The following DYNC1I2 variants were observed in gnomAD, a reference collection of about 807,000 sequenced individuals.
DYNC1I2 encodes the protein dynein cytoplasmic 1 intermediate chain 2.
In DYNC1I2, 53 loss-of-function variants were observed where a neutral mutation model predicts 88.6. That is an observed-to-expected ratio of 0.60 (90% CI 0.48 to 0.75). The LOEUF (loss-of-function observed/expected upper bound fraction) is 0.75, where lower values mean the gene tolerates loss of function less well. DYNC1I2 is among the 30% of genes least tolerant of loss of function. DYNC1I2 has a pLI of 0.00. For missense variants in DYNC1I2, 458 were observed against 766.6 expected (o/e 0.60, Z 4.75); for synonymous variants, 198 against 254.6 (o/e 0.78, Z 2.12).
chr2:171,742,142 G>A (rs1250671558), intron 15 of DYNC1I2, among the ~76,000 whole-genome samples: 2 of 150,620 alleles, frequency 1.3e-5, no homozygotes, highest in Non-Finnish European at 3.0e-5. Flanking sequence ...TCTATATGAT[G>A]TAAGGAAGGA....
rs1453529572 is a variant in DYNC1I2 at position 171,747,815 on chromosome 2, G to A, written c.1843G>A (p.Gly615Ser). Residue 615 changes from glycine to serine, a missense_variant, in exon 18 of 18, where the codon GGC becomes AGC. Physicochemically the swap from Gly to Ser is moderately conservative, Grantham distance 56. Coordinates refer to ENST00000397119, the MANE Select transcript of DYNC1I2 (RefSeq NM_001378.3). ...VPRNDEWARF[G>S]RTLAEINANR... Reference sequence around the variant, plus strand: ...CCGCAATGATGAATGGGCACGGTTTGGCCGAACACTTGCAGAAATTAATGC... The same window carrying A: ...CCGCAATGATGAATGGGCACGGTTTAGCCGAACACTTGCAGAAATTAATGC... The A allele has an allele frequency of 2.8e-5, 45 of 1,611,120 alleles. No individual in the cohort carries two copies. Among genetic ancestry groups the A allele is most frequent in the Non-Finnish European group, 3.8e-5 (45 of 1,179,408 alleles).
intron 7 of DYNC1I2, among the ~76,000 whole-genome samples, chr2:171,725,067 G>T (rs1214292577): frequency 6.6e-6 from 1 of 152,128 alleles, no homozygotes; most frequent in African/African-American, 2.4e-5. Context: ...TTCAAAATCT[G>T]CCTCTCAAAT....
intron 15 of DYNC1I2, among the ~76,000 whole-genome samples, chr2:171,740,760 T>C (rs1689366919): frequency 6.6e-6 from 1 of 152,196 alleles, no homozygotes; most frequent in East Asian, 1.9e-4. Flanking sequence ...ACCTTATCTC[T>C]TCTTTTAAAA....
intron 1 of DYNC1I2, among the ~76,000 whole-genome samples, chr2:171,688,979 T>C (rs1349346877): frequency 1.3e-5 from 2 of 151,804 alleles, no homozygotes; most frequent in African/African-American, 4.9e-5. Context: ...TCCTGGCTCC[T>C]GCCTTATGCT....
intron 7 of DYNC1I2, among the ~76,000 whole-genome samples, chr2:171,718,920 AC>A (rs552353332): frequency 6.6e-6 from 1 of 152,308 alleles, no homozygotes; most frequent in South Asian, 2.1e-4. Context: ...ATCGAGCATC[AC>A]AGAGCTAGTA....
chr2:171,702,168 T>C (rs1027360394), intron 3 of DYNC1I2, among the ~76,000 whole-genome samples: 2 of 152,250 alleles, frequency 1.3e-5, no homozygotes, highest in African/African-American at 4.8e-5. Context: ...AAGGGTTGGC[T>C]GTTCCTTCCC....
rs552017034 is a variant in DYNC1I2, at chr2:171,693,260, T to C, written c.226+366T>C. ...TTCCTTTCTGGAGATTAGCGAGAGATACAATCAGACTTATATTGTTAGAAT... is the reference window on the plus strand; with the variant it reads ...TTCCTTTCTGGAGATTAGCGAGAGACACAATCAGACTTATATTGTTAGAAT... On this transcript the variant is annotated intron_variant, in intron 3 of 17. Coordinates refer to ENST00000397119, the MANE Select transcript of DYNC1I2 (RefSeq NM_001378.3). 2.6e-5 allele frequency among the ~76,000 whole-genome samples: 4 copies of C among 152,336 alleles called. No individual in the cohort carries two copies. The East Asian group carries it at 7.7e-4, about 29-fold the overall frequency.
intron 15 of DYNC1I2, among the ~76,000 whole-genome samples, chr2:171,730,307 G>A (rs207462651): frequency 3.3e-5 from 5 of 152,180 alleles, no homozygotes; most frequent in Admixed American, 6.5e-5. Context: ...AATAAGTCCT[G>A]TATAATATGG....
intron 2 of DYNC1I2, among the ~76,000 whole-genome samples, chr2:171,691,132 C>G (rs1292059589): frequency 1.3e-5 from 2 of 152,040 alleles, no homozygotes; most frequent in African/African-American, 4.8e-5. Flanking sequence ...GGGATTTGTT[C>G]TTATCTCTTA....
rs1174914959 is a variant in DYNC1I2, at chr2:171,726,882, A to G, written c.962A>G (p.Lys321Arg). 1.9e-6 allele frequency: 3 copies of G among 1,611,948 alleles called. No homozygotes were observed. The highest frequency in any genetic ancestry group is 1.1e-5 in the South Asian group (1 of 90,782). Residue 321 changes from lysine (K) to arginine (R), a missense_variant, in exon 11 of 18, where the codon AAA becomes AGA. Transcript: ENST00000397119. The stretch of plus-strand genomic sequence containing the variant: ...GCCCTTGTATGGAATATGAAATACA[A>G]AAAAACTACCCCAGAGTATGTGTTT... The part of the protein sequence containing the change: ...GVALVWNMKY[K>R]KTTPEYVFHC...
chr2:171,725,613 T>C lies in DYNC1I2; in HGVS notation c.512-5T>C. ...TTTTTTGTTTGTTTTTTTTTTTTTT[T>C]TCAGATGAAGAGGAAGATGATGATG... On this transcript the variant is annotated splice_polypyrimidine_tract_variant and splice_region_variant and intron_variant, in intron 7 of 17. Transcript: ENST00000397119. 6.9e-7 allele frequency: 1 copy of C among 1,454,392 alleles called. No individual in the cohort carries two copies. The highest frequency in any genetic ancestry group is 9.1e-7 in the Non-Finnish European group (1 of 1,096,770). 90.1% of individuals were successfully genotyped at this position (1,454,392 alleles called of 1,614,324 possible). A position where few individuals can be genotyped will look rare whatever the true frequency, so the allele number is the denominator to read the frequency against.
chr2:171,748,621 T>C lies in DYNC1I2; in HGVS notation c.*732T>C, dbSNP rs929651089. Among the ~76,000 whole-genome samples the C allele has an allele frequency of 1.8e-4, 28 of 152,262 alleles. No homozygotes were observed. Among genetic ancestry groups the C allele is most frequent in the African/African-American group, 5.8e-4 (24 of 41,558 alleles). On this transcript the variant is annotated 3_prime_UTR_variant, in exon 18 of 18. Transcript: ENST00000397119. ...TCTAGATAATCTGTTGGTGAAAAAA[T>C]TTCCCCTAGGTTAACTTTTGCTTTA...
chr2:171,738,774 C>A (rs1028629935), intron 15 of DYNC1I2, among the ~76,000 whole-genome samples: 27 of 152,134 alleles, frequency 1.8e-4, no homozygotes, highest in African/African-American at 5.8e-4. Flanking sequence ...GCAGAGATAC[C>A]GATGAAGTGC....
At chr2:171,720,207 T>A (rs1687811084) in intron 7 of DYNC1I2, among the ~76,000 whole-genome samples, 1 of 152,194 alleles carries the variant, frequency 6.6e-6, no homozygotes, top group Admixed American at 6.5e-5. Flanking sequence ...AAACTGGCAC[T>A]TGATTTCTAG....
chr2:171,689,549 T>C (rs1685224588), intron 1 of DYNC1I2, among the ~76,000 whole-genome samples: 1 of 152,172 alleles, frequency 6.6e-6, no homozygotes. Context: ...GTACCTAATA[T>C]ATTGTCATCA....
intron 3 of DYNC1I2, among the ~76,000 whole-genome samples, chr2:171,701,618 G>A (rs545780222): frequency 6.6e-6 from 1 of 152,288 alleles, no homozygotes; most frequent in African/African-American, 2.4e-5. Context: ...AGATAATTTA[G>A]TTAAGTAGCT....
At chr2:171,724,026 A>G (rs1425160100) in intron 7 of DYNC1I2, among the ~76,000 whole-genome samples, 4 of 152,116 alleles carry the variant, frequency 2.6e-5, no homozygotes, top group Non-Finnish European at 5.9e-5. Flanking sequence ...GAAAAATTTT[A>G]ACCTTCACCA....
intron 3 of DYNC1I2, among the ~76,000 whole-genome samples, chr2:171,697,489 G>A (rs34242651): frequency 0.46 from 69,862 of 151,958 alleles, 18,687 homozygotes; most frequent in East Asian, 0.68. Flanking sequence ...CCTTTAAACT[G>A]GAAGTTAGAT....
intron 7 of DYNC1I2, among the ~76,000 whole-genome samples, chr2:171,725,200 A>C (rs1203159084): frequency 6.6e-6 from 1 of 152,212 alleles, no homozygotes; most frequent in Non-Finnish European, 1.5e-5. Flanking sequence ...GATTTTCCTC[A>C]TTCTACAGCA....
Sources: allele counts gnomAD v4.1 joint callset (sites outside exome capture counted in the v4.1 genomes callset), GRCh38; gene constraint gnomAD v4.1.1; transcripts MANE v1.5; gene names NCBI Gene and HGNC (gene_info 2026-07-23, HGNC 2026-07-21).